Variants in NTM observed in about 807,000 individuals in gnomAD.
NTM encodes the protein neurotrimin.
Under a neutral mutation model 42.1 loss-of-function variants are expected in NTM, and 13 were observed. That is an observed-to-expected ratio of 0.31 (90% CI 0.20 to 0.49). The LOEUF (loss-of-function observed/expected upper bound fraction) is 0.49, where lower values mean the gene tolerates loss of function less well. Among genes scored for constraint, NTM ranks in the 20% least tolerant of loss-of-function variants. The probability of loss-of-function intolerance (pLI) is 0.99; values close to 1 mark genes in which losing one functional copy is unlikely to be tolerated. For missense variants in NTM, 373 were observed against 452.8 expected (o/e 0.82, Z 1.60); for synonymous variants, 187 against 179.2 (o/e 1.04, Z -0.35).
At chr11:131,874,030 A>AATATATATATATAT (rs59083400) in intron 1 of NTM, among the ~76,000 whole-genome samples, 1 of 76,620 alleles carries the variant, frequency 1.3e-5, no homozygotes, top group Non-Finnish European at 2.9e-5. Context: ...AATATAATAT[A>AATATATATATATAT]ATATATATAT....
chr11:131,421,399 G>A (rs571793340), intron 1 of NTM, among the ~76,000 whole-genome samples: 3 of 152,324 alleles, frequency 2.0e-5, no homozygotes, highest in South Asian at 2.1e-4. Flanking sequence ...AGCCCTGCCT[G>A]GGGGGAGAGG....
intron 1 of NTM, among the ~76,000 whole-genome samples, chr11:131,776,381 C>T (rs1226965169): frequency 6.6e-6 from 1 of 152,202 alleles, no homozygotes; most frequent in Non-Finnish European, 1.5e-5. Flanking sequence ...GGAAGAGCAA[C>T]ATATGCTAGC....
At chr11:132,060,165 C>G (rs2080411208) in intron 2 of NTM, among the ~76,000 whole-genome samples, 1 of 152,220 alleles carries the variant, frequency 6.6e-6, no homozygotes, top group African/African-American at 2.4e-5. Context: ...ACGAAGACCA[C>G]ACTTTGGCAT....
At chr11:131,711,683 T>G (rs2077150077) in intron 1 of NTM, among the ~76,000 whole-genome samples, 1 of 151,928 alleles carries the variant, frequency 6.6e-6, no homozygotes, top group Non-Finnish European at 1.5e-5. Flanking sequence ...CATGCACACA[T>G]ATGTTTATTG....
chr11:132,311,812 G>C (rs1453476541), intron 6 of NTM, among the ~76,000 whole-genome samples: 1 of 152,170 alleles, frequency 6.6e-6, no homozygotes, highest in Non-Finnish European at 1.5e-5. Context: ...TAAAGCAAAA[G>C]TGGCCAATGG....
intron 2 of NTM, among the ~76,000 whole-genome samples, chr11:131,967,203 A>C (rs544410919): frequency 2.0e-5 from 3 of 152,308 alleles, no homozygotes; most frequent in African/African-American, 7.2e-5. Context: ...GGAGATTTAC[A>C]CTGGAGTGGG....
chr11:132,025,021 C>T (rs560902492), intron 2 of NTM, among the ~76,000 whole-genome samples: 14 of 152,272 alleles, frequency 9.2e-5, no homozygotes, highest in Admixed American at 4.6e-4. Flanking sequence ...GAATGTCTCT[C>T]CACTGACTGG....
chr11:131,661,047 A>G, intron 1 of NTM: 1 of 1,303,820 alleles, frequency 7.7e-7, no homozygotes, highest in Non-Finnish European at 1.0e-6. Context: ...GGAAGGGCAC[A>G]GGTAGGTGCA....
intron 1 of NTM, among the ~76,000 whole-genome samples, chr11:131,810,548 G>C (rs1226023481): frequency 6.6e-6 from 1 of 152,068 alleles, no homozygotes; most frequent in East Asian, 1.9e-4. Context: ...CAGGTGGGCA[G>C]GTACCATGCT....
intron 1 of NTM, among the ~76,000 whole-genome samples, chr11:131,799,478 C>A (rs923080004): frequency 1.3e-5 from 2 of 151,984 alleles, no homozygotes; most frequent in African/African-American, 2.4e-5. Context: ...TGGGGCCATA[C>A]GTAGGGTAGG....
intron 1 of NTM, among the ~76,000 whole-genome samples, chr11:131,761,171 A>C (rs532533958): frequency 1.3e-5 from 2 of 152,154 alleles, no homozygotes; most frequent in South Asian, 4.1e-4. Context: ...AGGAGAATCG[A>C]CTTTGCAGGA....
intron 1 of NTM, chr11:131,911,213 T>G: frequency 7.2e-7 from 1 of 1,385,644 alleles, no homozygotes; most frequent in Non-Finnish European, 9.4e-7. Flanking sequence ...TCGGCCACCT[T>G]CCCGGCGGAA....
intron 1 of NTM, among the ~76,000 whole-genome samples, chr11:131,858,292 C>T (rs1345389826): frequency 6.6e-6 from 1 of 152,070 alleles, no homozygotes; most frequent in East Asian, 1.9e-4. Flanking sequence ...TGATTCTCTC[C>T]CTCTCTCCCT....
chr11:132,310,265 C>A (rs2095241704), intron 6 of NTM, 33 bp downstream of exon 6: 1 of 1,539,134 alleles, frequency 6.5e-7, no homozygotes. Context: ...CCCACCCCTA[C>A]CCCCATCTCC....
intron 1 of NTM, among the ~76,000 whole-genome samples, chr11:131,774,481 G>T (rs1356478790): frequency 2.0e-5 from 3 of 152,128 alleles, no homozygotes; most frequent in African/African-American, 7.2e-5. Flanking sequence ...TTTTCTTTCT[G>T]AAATAGTCTT....
intron 1 of NTM, among the ~76,000 whole-genome samples, chr11:131,546,103 A>C (rs988018199): frequency 6.6e-6 from 1 of 152,192 alleles, no homozygotes; most frequent in African/African-American, 2.4e-5. Context: ...AGCCTCATGC[A>C]CCATGTTCCA....
chr11:132,140,370 T>C (rs966775997), intron 2 of NTM, among the ~76,000 whole-genome samples: 2 of 152,216 alleles, frequency 1.3e-5, no homozygotes, highest in African/African-American at 4.8e-5. Context: ...TGCTGTCTGC[T>C]TCTACCTAGG....
At chr11:132,070,045 G>A (rs1441474836) in intron 2 of NTM, among the ~76,000 whole-genome samples, 1 of 135,562 alleles carries the variant, frequency 7.4e-6, no homozygotes. Flanking sequence ...ACCGTCACAG[G>A]TTAGTTAACA....
At chr11:132,253,153 C>T (rs965926190) in intron 4 of NTM, among the ~76,000 whole-genome samples, 1 of 152,168 alleles carries the variant, frequency 6.6e-6, no homozygotes, top group Non-Finnish European at 1.5e-5. Context: ...CATGCCATGT[C>T]CTGGAGCTTA....
Sources: gnomAD v4.1 joint callset for allele counts (sites outside exome capture counted in the v4.1 genomes callset) on GRCh38, gnomAD v4.1.1 for gene constraint, MANE v1.5 for transcripts, NCBI Gene and HGNC (gene_info 2026-07-23, HGNC 2026-07-21) for gene names.